TMEM237: variants seen among roughly 807,000 people sequenced by gnomAD.
TMEM237 encodes the protein transmembrane protein 237, also known as amyotrophic lateral sclerosis 2 (juvenile) chromosome region, candidate 4.
Under a neutral mutation model 59.1 loss-of-function variants are expected in TMEM237, and 51 were observed. That is an observed-to-expected ratio of 0.86 (90% CI 0.69 to 1.09). The LOEUF (loss-of-function observed/expected upper bound fraction) is 1.09. Among genes scored for constraint, TMEM237 ranks in the 50% least tolerant of loss-of-function variants. The pLI, the probability that TMEM237 is intolerant of heterozygous loss-of-function variation, is 0.00. For synonymous variants in TMEM237, 140 were observed against 166.1 expected, an observed-to-expected ratio of 0.84 and a Z score of 1.21; for missense variants, 475 against 478.3, an observed-to-expected ratio of 0.99 and a Z score of 0.06.
chr2:201,639,599 C>T (rs978183617), intron 3 of TMEM237, among the ~76,000 whole-genome samples: 3 of 152,166 alleles, frequency 2.0e-5, no homozygotes, highest in African/African-American at 7.2e-5. Flanking sequence ...AGTTCGACAC[C>T]AGCCTGGCCA....
In TMEM237 at chr2:201,624,175, G is replaced by A; in HGVS notation, c.*80C>T. 1 of 1,010,224 alleles carries A rather than the reference G, an allele frequency of 9.9e-7. No individual in the cohort carries two copies. Among genetic ancestry groups the A allele is most frequent in the Admixed American group, 1.9e-5 (1 of 52,980 alleles). 62.6% of individuals were successfully genotyped at this position (1,010,224 alleles called of 1,614,324 possible). On this transcript the variant is annotated 3_prime_UTR_variant, in exon 13 of 13. Coordinates refer to ENST00000409883, the MANE Select transcript of TMEM237 (RefSeq NM_001044385.3). ...CAAAAAATCTATTACAAATACACAT[G>A]TATACATCTTATAAAAATACATTTA...
chr2:201,643,224 C>A lies in TMEM237; in HGVS notation c.42+135G>T. 1.0e-6 allele frequency: 1 copy of A among 997,674 alleles called. No individual in the cohort carries two copies. The highest frequency in any genetic ancestry group is 1.6e-5 in the South Asian group (1 of 60,722). 61.8% of individuals were successfully genotyped at this position (997,674 alleles called of 1,614,324 possible). A position where few individuals can be genotyped will look rare whatever the true frequency, so the allele number is the denominator to read the frequency against. ...CCTGTGAACACTGGAGGGGCGGATG[C>A]GCGCACCCCACGAGCAAGGCCCTCC... On this transcript the variant is annotated intron_variant, in intron 1 of 12. Transcript: ENST00000409883. The surrounding 1 kb of genome is among the most constrained non-coding windows in gnomAD (Gnocchi z 4.3).
At chr2:201,624,958 C>A (rs1465422340) in intron 12 of TMEM237, among the ~76,000 whole-genome samples, 1 of 152,186 alleles carries the variant, frequency 6.6e-6, no homozygotes, top group East Asian at 1.9e-4. Context: ...TAAACTATTA[C>A]TTAGCATAGA....
intron 9 of TMEM237, 147 bp from the exon 10 acceptor site, chr2:201,628,296 C>T (rs1337380757): frequency 1.8e-5 from 9 of 499,566 alleles, no homozygotes; most frequent in South Asian, 8.0e-5. Flanking sequence ...ATACTTAACA[C>T]GCATGACAAA....
intron 9 of TMEM237, 136 bp from the exon 10 acceptor site, chr2:201,628,285 TATACTTAA>T (rs1957777862): frequency 1.8e-6 from 1 of 545,312 alleles, no homozygotes; most frequent in Non-Finnish European, 3.3e-6. Context: ...AGCTACAGTG[TATACTTAA>T]CACGCATGAC....
chr2:201,624,539 T>G (rs1439559164), intron 12 of TMEM237, among the ~76,000 whole-genome samples: 1 of 152,194 alleles, frequency 6.6e-6, no homozygotes, highest in Non-Finnish European at 1.5e-5. Flanking sequence ...AATTTTAAAT[T>G]ATAGACCCCT....
rs529136012 is a variant in TMEM237, at chr2:201,627,993, T to A, written c.943+83A>T. The A allele has an allele frequency of 9.4e-4, 970 of 1,034,152 alleles. 5 individuals carry two copies. Among genetic ancestry groups the A allele is most frequent in the South Asian group, 6.3e-3 (345 of 54,452 alleles). 64.1% of individuals were successfully genotyped at this position (1,034,152 alleles called of 1,614,324 possible). ...TTATAAGGAGCAGTAATACAACTTT[T>A]AAAAAAAATTATATTTATCCTGGTT... On this transcript the variant is annotated intron_variant, in intron 10 of 12. Transcript: ENST00000409883.
At chr2:201,626,192 C>A in intron 11 of TMEM237, 45 bp from the exon 12 acceptor site, 2 of 1,585,726 alleles carry the variant, frequency 1.3e-6, no homozygotes, top group South Asian at 2.3e-5. Flanking sequence ...CAGTTTGGTT[C>A]ATATACACAA....
In TMEM237 at chr2:201,635,687, G is replaced by A. The variant is rs377146921; in HGVS notation, c.274+1061C>T. On this transcript the variant is annotated intron_variant, in intron 5 of 12. Transcript: ENST00000409883. This position sits in a 1 kb window ranked among gnomAD's most constrained non-coding sequence, Gnocchi z 4.5. ...CGAGGCAGGAGAATCGCTTGTACCC[G>A]GGAGGCAGAAGTTCCAGTGAGCTGA... is the stretch of plus-strand genomic sequence containing the variant. 2.6e-5 allele frequency among the ~76,000 whole-genome samples: 4 copies of A among 152,100 alleles called. No individual in the cohort carries two copies. The highest frequency in any genetic ancestry group is 4.2e-4 in the South Asian group (2 of 4,812).
chr2:201,638,706 G>T, intron 4 of TMEM237: 2 of 408,072 alleles, frequency 4.9e-6, no homozygotes, highest in Non-Finnish European at 8.7e-6. Flanking sequence ...ATGTTGTCTG[G>T]GGATAAAAGA....
chr2:201,632,715 T>C (rs1957818839), intron 6 of TMEM237, among the ~76,000 whole-genome samples: 1 of 152,240 alleles, frequency 6.6e-6, no homozygotes. Context: ...CAAGTCATGC[T>C]GAACTGTGAG....
chr2:201,643,321 C>T lies in TMEM237; in HGVS notation c.42+38G>A, dbSNP rs370076296. ...CCACTGCCAAGTGTAGCTGTTTACC[C>T]GCCACCTCTCGAGGCCGACGCGCCC... On this transcript the variant is annotated intron_variant, in intron 1 of 12. Transcript: ENST00000409883. The surrounding 1 kb of genome is among the most constrained non-coding windows in gnomAD (Gnocchi z 4.3). The T allele has an allele frequency of 2.9e-5, 44 of 1,543,406 alleles. No homozygotes were observed. Among genetic ancestry groups the T allele is most frequent in the African/African-American group, 1.9e-4 (14 of 72,490 alleles).
rs1056638295 is a variant in TMEM237 at position 201,622,531 on chromosome 2, G to A, written c.*1724C>T. On this transcript the variant is annotated 3_prime_UTR_variant, in exon 13 of 13. Coordinates refer to ENST00000409883, the MANE Select transcript of TMEM237 (RefSeq NM_001044385.3). ...GGCCAAGGGCCGTACTCAGCTGCAA[G>A]GTCATCACTCTCCTTGGCTCATGGC... is the stretch of plus-strand genomic sequence containing the variant. The A allele has an allele frequency of 6.6e-6, 1 of 152,462 alleles. No homozygotes were observed. Among genetic ancestry groups the A allele is most frequent in the African/African-American group, 2.4e-5 (1 of 41,452 alleles). 9.4% of individuals were successfully genotyped at this position (152,462 alleles called of 1,614,324 possible).
chr2:201,632,296 AG>A (rs1214184357), intron 6 of TMEM237, 88 bp from the exon 7 acceptor site: 11 of 1,424,186 alleles, frequency 7.7e-6, no homozygotes, highest in Non-Finnish European at 7.7e-6. Context: ...TATAATGGAA[AG>A]GGCCCTGGAC....
intron 4 of TMEM237, among the ~76,000 whole-genome samples, chr2:201,637,916 C>T (rs897611271): frequency 1.3e-5 from 2 of 152,048 alleles, no homozygotes; most frequent in Non-Finnish European, 2.9e-5. Context: ...GAGAATGAGA[C>T]ACTCTCAGAC....
chr2:201,628,096 G>A lies in TMEM237; in HGVS notation c.923C>T (p.Pro308Leu). 1 of 1,607,938 alleles carries A rather than the reference G, an allele frequency of 6.2e-7. No individual in the cohort carries two copies. Among genetic ancestry groups the A allele is most frequent in the East Asian group, 2.2e-5 (1 of 44,690 alleles). The change falls in exon 10 of 13, where the codon CCT (proline) becomes CTT (leucine). Residue 308 changes from proline (P) to leucine (L), a missense_variant. By Grantham distance (98) the Pro-to-Leu change is moderately conservative. Coordinates refer to ENST00000409883, the MANE Select transcript of TMEM237 (RefSeq NM_001044385.3). ...CTCACAGAAAGATGCTAAAGCTGTA[G>A]GATCCAGGGCCAAAAAATTTCGGAT... ...VAIRNFLALD[P>L]TALASFLYFT... is the part of the protein sequence containing the mutation.
chr2:201,627,561 C>A, intron 10 of TMEM237, 147 bp from the exon 11 acceptor site: 2 of 543,250 alleles, frequency 3.7e-6, no homozygotes, highest in Non-Finnish European at 6.3e-6. Flanking sequence ...TTTCAATAGG[C>A]CAGACATCCT....
chr2:201,626,534 G>GAAAAAAAAAAAA (rs751155005), intron 11 of TMEM237, among the ~76,000 whole-genome samples: 1 of 96,030 alleles, frequency 1.0e-5, no homozygotes, highest in Non-Finnish European at 2.0e-5. Context: ...AGCATTTGGG[G>GAAAAAAAAAAAA]AAAAAAAAAA....
At chr2:201,639,359 A>C (rs553745741) in intron 3 of TMEM237, among the ~76,000 whole-genome samples, 1 of 152,312 alleles carries the variant, frequency 6.6e-6, no homozygotes, top group African/African-American at 2.4e-5. Flanking sequence ...GTTCTGGCCT[A>C]TAGGCTGTGA....
Sources: gnomAD v4.1 joint callset for allele counts (sites outside exome capture counted in the v4.1 genomes callset) on GRCh38, gnomAD v4.1.1 for gene constraint, Gnocchi (gnomAD v3.1) non-coding constraint, MANE v1.5 for transcripts, NCBI Gene and HGNC (gene_info 2026-07-23, HGNC 2026-07-21) for gene names.